GAREM1: variants seen among roughly 807,000 people sequenced by gnomAD.
GAREM1 encodes GRB2-associated and regulator of MAPK protein 1.
A neutral mutation model predicts 71.3 loss-of-function variants in GAREM1; 26 were observed. The observed-to-expected ratio is 0.36, with a 90% CI of 0.27 to 0.51. The LOEUF (loss-of-function observed/expected upper bound fraction) is 0.51. Ranked by LOEUF, GAREM1 falls within the 20% of genes least tolerant of loss-of-function variation. The pLI is 0.95. For missense variants in GAREM1, 1,026 were observed against 1,103.1 expected (o/e 0.93, Z 0.99); for synonymous variants, 440 against 433.2 (o/e 1.02, Z -0.20).
At chr18:32,339,757 G>A (rs571637533) in intron 2 of GAREM1, among the ~76,000 whole-genome samples, 1 of 152,318 alleles carries the variant, frequency 6.6e-6, no homozygotes, top group African/African-American at 2.4e-5. Context: ...CCAAATGAAA[G>A]TCAAAATCCA....
chr18:32,437,471 G>T (rs995812781), intron 1 of GAREM1, among the ~76,000 whole-genome samples: 1 of 152,192 alleles, frequency 6.6e-6, no homozygotes, highest in African/African-American at 2.4e-5. Context: ...CTGATACTCT[G>T]CACACATTTG....
chr18:32,466,844 C>G (rs1333975043), intron 1 of GAREM1, among the ~76,000 whole-genome samples: 1 of 152,184 alleles, frequency 6.6e-6, no homozygotes, highest in Non-Finnish European at 1.5e-5. Context: ...TGAGATACAT[C>G]TCATCAAATC....
At chr18:32,434,543 T>A (rs935030121) in intron 1 of GAREM1, among the ~76,000 whole-genome samples, 3 of 152,038 alleles carry the variant, frequency 2.0e-5, no homozygotes, top group Non-Finnish European at 4.4e-5. Context: ...GAGTTCCCTA[T>A]GGCCAAAGCT....
intron 2 of GAREM1, among the ~76,000 whole-genome samples, chr18:32,385,175 G>A (rs1166753930): frequency 2.0e-5 from 3 of 150,728 alleles, no homozygotes; most frequent in Non-Finnish European, 4.4e-5. Flanking sequence ...CTCTTTCTTG[G>A]CTTCCCTTTT....
At chr18:32,385,192 T>A (rs1037995161) in intron 2 of GAREM1, among the ~76,000 whole-genome samples, 7 of 151,974 alleles carry the variant, frequency 4.6e-5, no homozygotes, top group South Asian at 4.2e-4. Context: ...TTTTTTTTTT[T>A]AAATAAAATT....
chr18:32,390,162 C>A (rs1259547291), intron 2 of GAREM1, among the ~76,000 whole-genome samples: 1 of 152,102 alleles, frequency 6.6e-6, no homozygotes, highest in Non-Finnish European at 1.5e-5. Context: ...CAGAGTGACA[C>A]CTTGTTTCAA....
intron 2 of GAREM1, among the ~76,000 whole-genome samples, chr18:32,376,005 G>T (rs2048027347): frequency 1.3e-5 from 2 of 152,120 alleles, no homozygotes; most frequent in South Asian, 4.1e-4. Context: ...AAAAAATCCG[G>T]GCAATAATCT....
intron 2 of GAREM1, among the ~76,000 whole-genome samples, chr18:32,334,164 T>C (rs1190954612): frequency 2.6e-5 from 4 of 152,306 alleles, no homozygotes; most frequent in Middle Eastern, 3.4e-3. Flanking sequence ...CCAATCTAAC[T>C]TAGCCACTTT....
chr18:32,367,599 C>T (rs1373615428), intron 2 of GAREM1, among the ~76,000 whole-genome samples: 56 of 152,192 alleles, frequency 3.7e-4, no homozygotes, highest in Non-Finnish European at 8.8e-5. Context: ...TCTCTCAGGT[C>T]TTCACTGCCA....
rs367809053 is a variant in GAREM1 at position 32,310,399 on chromosome 18, C to T, written c.263-76G>A. ...TGTTACCATGGCAACAACATCCTCTCTCTTTACCCCAGCCCTTTTTTTGTC... is the reference window on the plus strand; with the variant it reads ...TGTTACCATGGCAACAACATCCTCTTTCTTTACCCCAGCCCTTTTTTTGTC... On this transcript the variant is annotated intron_variant, in intron 2 of 5. Transcript: ENST00000269209. The T allele has an allele frequency of 4.1e-6, 6 of 1,457,104 alleles. No homozygotes were observed. In the African/African-American group the frequency reaches 4.3e-5, roughly 10 times the overall value. The allele number at this position is 1,457,104 out of a possible 1,614,324, so 90.3% of individuals were successfully genotyped here.
chr18:32,304,903 T>C (rs1367194557), intron 3 of GAREM1, among the ~76,000 whole-genome samples: 1 of 152,176 alleles, frequency 6.6e-6, no homozygotes, highest in African/African-American at 2.4e-5. Context: ...CAGCTGTTTT[T>C]ATTTTTAAAA....
intron 1 of GAREM1, among the ~76,000 whole-genome samples, chr18:32,467,129 G>A (rs532085918): frequency 6.6e-5 from 10 of 152,136 alleles, no homozygotes; most frequent in South Asian, 4.2e-4. Context: ...ACACATCTAC[G>A]TTACTAGGCC....
chr18:32,343,690 T>C (rs1381154386), intron 2 of GAREM1, among the ~76,000 whole-genome samples: 1 of 152,240 alleles, frequency 6.6e-6, no homozygotes, highest in Non-Finnish European at 1.5e-5. Flanking sequence ...TTCCAGATTA[T>C]GAAATATTAA....
At chr18:32,310,428 G>C in intron 2 of GAREM1, 105 bp from the exon 3 acceptor site, 1 of 1,136,852 alleles carries the variant, frequency 8.8e-7, no homozygotes, top group South Asian at 1.7e-5. Context: ...TTTTGTCAAA[G>C]ATTCCTGTTC....
chr18:32,338,818 T>A (rs1226990129), intron 2 of GAREM1, among the ~76,000 whole-genome samples: 1 of 152,246 alleles, frequency 6.6e-6, no homozygotes, highest in Non-Finnish European at 1.5e-5. Context: ...TACAGATATC[T>A]GGTCAAACAC....
chr18:32,418,504 C>T (rs772319499), intron 1 of GAREM1, among the ~76,000 whole-genome samples: 2 of 152,164 alleles, frequency 1.3e-5, no homozygotes, highest in Non-Finnish European at 2.9e-5. Context: ...ATAACGTGAG[C>T]ATGACATAAA....
At chr18:32,421,275 CAGTA>C (rs2048517285) in intron 1 of GAREM1, among the ~76,000 whole-genome samples, 1 of 152,146 alleles carries the variant, frequency 6.6e-6, no homozygotes, top group Non-Finnish European at 1.5e-5. Context: ...ACTTGGTACA[CAGTA>C]AGCACTCAAC....
chr18:32,454,586 T>A (rs1033016734), intron 1 of GAREM1, among the ~76,000 whole-genome samples: 7 of 152,184 alleles, frequency 4.6e-5, no homozygotes, highest in Admixed American at 6.5e-5. Flanking sequence ...CAGGCTAATA[T>A]ATGCAAATAT....
rs2041394657 is a variant in GAREM1, at chr18:32,267,804, T to C, written c.*67A>G. 5.3e-6 allele frequency: 7 copies of C among 1,313,988 alleles called. No individual in the cohort carries two copies. Among genetic ancestry groups the C allele is most frequent in the South Asian group, 1.4e-5 (1 of 70,068 alleles). 81.4% of individuals were successfully genotyped at this position (1,313,988 alleles called of 1,614,324 possible). A position where few individuals can be genotyped will look rare whatever the true frequency, so the allele number is the denominator to read the frequency against. ...TTTAGTGCAAAAACATGAAATTGTG[T>C]CCCAGCCCACCCCTTCTAGCACACG... On this transcript the variant is annotated 3_prime_UTR_variant, in exon 6 of 6. Coordinates refer to ENST00000269209, the MANE Select transcript of GAREM1 (RefSeq NM_001242409.2).
Sources: gnomAD v4.1 joint callset for allele counts (sites outside exome capture counted in the v4.1 genomes callset) on GRCh38, gnomAD v4.1.1 for gene constraint, MANE v1.5 for transcripts, NCBI Gene and HGNC (gene_info 2026-07-23, HGNC 2026-07-21) for gene names.